FBXO47: variants seen among roughly 807,000 people sequenced by gnomAD.
FBXO47 encodes the protein F-box only protein 47.
FBXO47 carries 34 observed loss-of-function variants against 53.9 expected under a neutral mutation model. The ratio of observed to expected loss-of-function variants is 0.63; its 90% CI spans 0.48 to 0.84. The LOEUF (loss-of-function observed/expected upper bound fraction) is 0.84. Ranked by LOEUF, FBXO47 falls within the 40% of genes least tolerant of loss-of-function variation. The pLI, the probability that FBXO47 is intolerant of heterozygous loss-of-function variation, is 0.00. For synonymous variants in FBXO47, 165 were observed against 181.6 expected (o/e 0.91, Z 0.73); for missense variants, 485 against 541.3 (o/e 0.90, Z 1.03).
chr17:38,956,135 C>CA (rs765171777), intron 4 of FBXO47, among the ~76,000 whole-genome samples: 298 of 115,884 alleles, frequency 2.6e-3, no homozygotes, highest in Middle Eastern at 0.014. Context: ...GACTCCATCT[C>CA]AAAAAAAAAA....
At chr17:38,950,914 A>AT (rs917362429) in intron 6 of FBXO47, among the ~76,000 whole-genome samples, 1 of 150,972 alleles carries the variant, frequency 6.6e-6, no homozygotes, top group Non-Finnish European at 1.5e-5. Context: ...TTTTATTTTT[A>AT]TTTCTTTTGA....
intron 7 of FBXO47, 112 bp downstream of exon 7, chr17:38,944,848 A>ATGTGTGTGTGTGTGTGTGTGTTTGTG: frequency 1.6e-6 from 1 of 615,522 alleles, no homozygotes; most frequent in Non-Finnish European, 2.7e-6. Context: ...GCGTGCATGC[A>ATGTGTGTGTGTGTGTGTGTGTTTGTG]TGTGTGTGTG....
intron 6 of FBXO47, among the ~76,000 whole-genome samples, chr17:38,946,804 A>G (rs1315353993): frequency 3.2e-5 from 3 of 94,478 alleles, no homozygotes; most frequent in African/African-American, 1.3e-4. Context: ...ATATAGATAT[A>G]TAAACATATA....
intron 9 of FBXO47, among the ~76,000 whole-genome samples, chr17:38,939,323 A>AAAAAAAATATAT (rs1555559726): frequency 1.0e-4 from 5 of 50,174 alleles, no homozygotes; most frequent in African/African-American, 3.8e-4. Context: ...AAAAAAAAAA[A>AAAAAAAATATAT]ATATATATAT....
chr17:38,957,698 C>CT (rs67243641), intron 3 of FBXO47, among the ~76,000 whole-genome samples: 15,908 of 132,798 alleles, frequency 0.12, 1,451 homozygotes, highest in Admixed American at 0.31. Flanking sequence ...ACTGATTTTT[C>CT]TTTTTTTTTT....
chr17:38,962,827 T>C lies in FBXO47; in HGVS notation c.181+18A>G, dbSNP rs1316971557. 2 of 1,586,712 alleles carry C rather than the reference T, an allele frequency of 1.3e-6. No individual in the cohort carries two copies. Among genetic ancestry groups the C allele is most frequent in the East Asian group, 4.5e-5 (2 of 44,688 alleles). On this transcript the variant is annotated intron_variant, in intron 2 of 10. Transcript: ENST00000378079. Reference sequence around the variant, plus strand: ...TCTAGTGTCTTGTGTAGGCTATTCATAAGTTCCCAAACCTCACCTGACAAA... The same window carrying C: ...TCTAGTGTCTTGTGTAGGCTATTCACAAGTTCCCAAACCTCACCTGACAAA...
chr17:38,956,373 A>AGGT (rs1412122320), intron 4 of FBXO47, among the ~76,000 whole-genome samples: 1 of 152,078 alleles, frequency 6.6e-6, no homozygotes, highest in Non-Finnish European at 1.5e-5. Flanking sequence ...AGATCACCTG[A>AGGT]GGTCAGGAGT....
In FBXO47 at chr17:38,941,618, TATTA is replaced by T. The variant is rs1199796837; in HGVS notation, c.1083+1156_1083+1159del. ...TTAAATGAATATTAAATAAATATAA[TATTA>T]TATATATATATATATATATATATGT... On this transcript the variant is annotated intron_variant, in intron 9 of 10. Transcript: ENST00000378079. Among the ~76,000 whole-genome samples the T allele has an allele frequency of 3.3e-3, 199 of 60,188 alleles. 1 individual carries two copies. The highest frequency in any genetic ancestry group is 0.01 in the South Asian group (12 of 1,198). 39.5% of individuals were successfully genotyped at this position (60,188 alleles called of 152,430 possible). A position where few individuals can be genotyped will look rare whatever the true frequency, so the allele number is the denominator to read the frequency against.
intron 1 of FBXO47, among the ~76,000 whole-genome samples, chr17:38,964,969 C>G (rs1906029043): frequency 6.6e-6 from 1 of 151,850 alleles, no homozygotes; most frequent in South Asian, 2.1e-4. Flanking sequence ...AGGCGTGTGC[C>G]ACCACTAGTA....
At chr17:38,938,441 T>A (rs1904349799) in intron 10 of FBXO47, 132 bp downstream of exon 10, 1 of 644,848 alleles carries the variant, frequency 1.6e-6, no homozygotes, top group African/African-American at 1.8e-5. Context: ...TTTTTATTTT[T>A]TAAAGTCAAC....
intron 6 of FBXO47, among the ~76,000 whole-genome samples, chr17:38,947,771 G>T (rs1168195816): frequency 6.6e-6 from 1 of 152,064 alleles, no homozygotes; most frequent in South Asian, 2.1e-4. Flanking sequence ...TTAGCCGGGT[G>T]TGGTGGCGGG....
At chr17:38,946,036 T>A (rs1446531278) in intron 6 of FBXO47, among the ~76,000 whole-genome samples, 141 of 112,814 alleles carry the variant, frequency 1.2e-3, no homozygotes, top group Middle Eastern at 4.2e-3. Context: ...AAAATATATA[T>A]AAATATATAT....
chr17:38,963,294 C>T, intron 1 of FBXO47, among the ~76,000 whole-genome samples: 1 of 152,068 alleles, frequency 6.6e-6, no homozygotes, highest in East Asian at 1.9e-4. Context: ...TCTTCTGCCT[C>T]AGCCTCCTAA....
intron 5 of FBXO47, among the ~76,000 whole-genome samples, chr17:38,951,988 T>C (rs1905315877): frequency 6.6e-6 from 1 of 151,780 alleles, no homozygotes; most frequent in African/African-American, 2.4e-5. Flanking sequence ...GATCATGCCA[T>C]TGCACTCCAG....
At chr17:38,956,052 C>T (rs916874693) in intron 4 of FBXO47, among the ~76,000 whole-genome samples, 16 of 147,612 alleles carry the variant, frequency 1.1e-4, no homozygotes, top group South Asian at 4.2e-4. Flanking sequence ...AGGAGAATGG[C>T]GTGAACCTGG....
intron 6 of FBXO47, 92 bp from the exon 7 acceptor site, chr17:38,945,228 TTAGTGA>T: frequency 2.3e-6 from 2 of 871,050 alleles, no homozygotes; most frequent in Non-Finnish European, 1.8e-6. Flanking sequence ...ATCATTATGG[TTAGTGA>T]TAGTAAACTA....
At chr17:38,965,902 T>G (rs1906093377) in intron 1 of FBXO47, among the ~76,000 whole-genome samples, 1 of 150,372 alleles carries the variant, frequency 6.7e-6, no homozygotes, top group Non-Finnish European at 1.5e-5. Flanking sequence ...AAAAAATAAT[T>G]ACACAAATAA....
At chr17:38,941,047 C>G (rs2143884620) in intron 9 of FBXO47, among the ~76,000 whole-genome samples, 1 of 151,864 alleles carries the variant, frequency 6.6e-6, no homozygotes, top group South Asian at 2.1e-4. Context: ...TGCAGTGGTG[C>G]TATCTTGGCT....
intron 6 of FBXO47, among the ~76,000 whole-genome samples, chr17:38,945,948 A>AAAAAAAAAAAAAATAT (rs1184511532): frequency 9.4e-5 from 11 of 117,124 alleles, no homozygotes; most frequent in African/African-American, 3.9e-4. Context: ...AAAAAAAAAA[A>AAAAAAAAAAAAAATAT]ATATATATAT....
Sources: allele counts gnomAD v4.1 joint callset (sites outside exome capture counted in the v4.1 genomes callset), GRCh38; gene constraint gnomAD v4.1.1; transcripts MANE v1.5; gene names NCBI Gene and HGNC (gene_info 2026-07-23, HGNC 2026-07-21).